Variants in IGHMBP2 observed in about 807,000 individuals in gnomAD.
IGHMBP2 encodes immunoglobulin mu DNA binding protein 2.
Under a neutral mutation model 96.0 loss-of-function variants are expected in IGHMBP2, and 81 were observed. The ratio of observed to expected loss-of-function variants is 0.84; its 90% CI spans 0.71 to 1.01. IGHMBP2 has a LOEUF of 1.01. Among genes scored for constraint, IGHMBP2 ranks in the 50% least tolerant of loss-of-function variants. The pLI, the probability that IGHMBP2 is intolerant of heterozygous loss-of-function variation, is 0.00. For synonymous variants in IGHMBP2, 557 were observed against 548.9 expected, an observed-to-expected ratio of 1.01 and a Z score of -0.21; for missense variants, 1,227 against 1,306.3, an observed-to-expected ratio of 0.94 and a Z score of 0.94.
chr11:68,928,097 C>T (rs1859141092), intron 7 of IGHMBP2, among the ~76,000 whole-genome samples: 1 of 152,244 alleles, frequency 6.6e-6, no homozygotes. Context: ...GGAGAGAATT[C>T]TCAGAGCTTG....
chr11:68,936,643 G>C lies in IGHMBP2; in HGVS notation c.2163G>C (p.Glu721Asp). The C allele has an allele frequency of 6.2e-7, 1 of 1,613,926 alleles. No homozygotes were observed. Among genetic ancestry groups the C allele is most frequent in the Non-Finnish European group, 8.5e-7 (1 of 1,180,002 alleles). ...SLNGGSPEGV[E>D]SQDGVDHFRA... ...ACGGAGGCAGCCCAGAGGGAGTGGA[G>C]AGCCAAGATGGCGTGGACCACTTCC... The change falls in exon 13 of 15, where the codon GAG (glutamate) becomes GAC (aspartate). Residue 721 changes from glutamate (E) to aspartate (D), a missense_variant. Physicochemically the swap from Glu to Asp is conservative, Grantham distance 45 (BLOSUM62 2). Transcript: ENST00000255078.
At chr11:68,912,289 G>T (rs1174425783) in intron 5 of IGHMBP2, among the ~76,000 whole-genome samples, 2 of 151,916 alleles carry the variant, frequency 1.3e-5, no homozygotes, top group East Asian at 3.9e-4. Flanking sequence ...GCGCCACCAT[G>T]CCTGGCTAAT....
chr11:68,919,606 A>G (rs1314945090), intron 7 of IGHMBP2, among the ~76,000 whole-genome samples: 3 of 152,162 alleles, frequency 2.0e-5, no homozygotes, highest in Non-Finnish European at 4.4e-5. Context: ...AGTGTTCTGT[A>G]AGTAGTCAGA....
At chr11:68,910,134 T>G (rs950866114) in intron 4 of IGHMBP2, among the ~76,000 whole-genome samples, 16 of 152,244 alleles carry the variant, frequency 1.1e-4, no homozygotes, top group African/African-American at 3.6e-4. Context: ...CAAGCCAGTG[T>G]TGTGTTAGCT....
chr11:68,928,743 T>C (rs1279517970), intron 7 of IGHMBP2, among the ~76,000 whole-genome samples: 1 of 150,020 alleles, frequency 6.7e-6, no homozygotes, highest in Non-Finnish European at 1.5e-5. Flanking sequence ...GAAAAGCTGC[T>C]GCAGTGGGTT....
At chr11:68,904,691 A>G (rs1480813518) in intron 1 of IGHMBP2, among the ~76,000 whole-genome samples, 2 of 151,748 alleles carry the variant, frequency 1.3e-5, no homozygotes, top group Non-Finnish European at 2.9e-5. Context: ...GAATGGGACT[A>G]TTTACTTGTC....
chr11:68,914,480 C>A (rs1332340425), intron 5 of IGHMBP2, among the ~76,000 whole-genome samples: 1 of 152,172 alleles, frequency 6.6e-6, no homozygotes, highest in Non-Finnish European at 1.5e-5. Flanking sequence ...AGGCTGTGGG[C>A]TCTGACCTCA....
At chr11:68,911,782 T>C (rs1228961934) in intron 5 of IGHMBP2, among the ~76,000 whole-genome samples, 179 bp downstream of exon 5, 2 of 152,230 alleles carry the variant, frequency 1.3e-5, no homozygotes, top group Admixed American at 6.5e-5. Flanking sequence ...CCGTGAGTCT[T>C]GGGGAGCACG....
At chr11:68,904,717 T>A (rs928177972) in intron 1 of IGHMBP2, among the ~76,000 whole-genome samples, 2 of 152,110 alleles carry the variant, frequency 1.3e-5, no homozygotes, top group Admixed American at 6.6e-5. Flanking sequence ...CAATCAGAGC[T>A]AACACTTACG....
In IGHMBP2 at chr11:68,904,803, C is replaced by CTTTTCTTTT. The variant is rs892709461; in HGVS notation, c.86+769_86+770insCTTTTTTTT. On this transcript the variant is annotated intron_variant, in intron 1 of 14. Transcript: ENST00000255078. ...GTGTAAGTTTCTTTTTTTTCTTTTT[C>CTTTTCTTTT]TTTTTTTTTTTTTTAGACAGAGTCT... 6.6e-5 allele frequency among the ~76,000 whole-genome samples: 8 copies of CTTTTCTTTT among 120,996 alleles called. 2 individuals carry two copies. The highest frequency in any genetic ancestry group is 1.8e-4 in the Admixed American group (2 of 11,070). The allele number at this position is 120,996 out of a possible 152,430, so 79.4% of individuals were successfully genotyped here.
At chr11:68,906,798 G>A (rs1489540835) in intron 2 of IGHMBP2, among the ~76,000 whole-genome samples, 1 of 151,776 alleles carries the variant, frequency 6.6e-6, no homozygotes, top group African/African-American at 2.4e-5. Flanking sequence ...ATGCGCCACC[G>A]TGCCTGGCTA....
intron 4 of IGHMBP2, among the ~76,000 whole-genome samples, chr11:68,909,779 C>T (rs1322574764): frequency 2.6e-5 from 4 of 152,058 alleles, no homozygotes; most frequent in African/African-American, 9.7e-5. Context: ...AGGTGCCCGC[C>T]ACCATGCCCG....
chr11:68,921,643 A>G (rs903248470), intron 7 of IGHMBP2, among the ~76,000 whole-genome samples: 4 of 152,204 alleles, frequency 2.6e-5, no homozygotes, highest in Admixed American at 2.0e-4. Flanking sequence ...TTAATGGTGA[A>G]TTATCTTTAA....
At chr11:68,922,612 T>G (rs990474442) in intron 7 of IGHMBP2, among the ~76,000 whole-genome samples, 5 of 152,180 alleles carry the variant, frequency 3.3e-5, no homozygotes, top group Non-Finnish European at 5.9e-5. Context: ...GCCAGGCTGC[T>G]CTCGAACTCC....
chr11:68,912,455 A>G lies in IGHMBP2; in HGVS notation c.711+852A>G, dbSNP rs376265545. Among the ~76,000 whole-genome samples, 96 of 152,084 alleles carry G rather than the reference A, an allele frequency of 6.3e-4. No homozygotes were observed. In the South Asian group the frequency reaches 6.9e-3, roughly 11 times the overall value. ...CAGTTACATTTTTAATGGCTGAAAA[A>G]GGATCTTTTATCATCATCTGCATCA... On this transcript the variant is annotated intron_variant, in intron 5 of 14. Transcript: ENST00000255078.
chr11:68,921,218 C>A (rs527766381), intron 7 of IGHMBP2, among the ~76,000 whole-genome samples: 7 of 151,238 alleles, frequency 4.6e-5, no homozygotes, highest in African/African-American at 1.7e-4. Context: ...CACTATGCCC[C>A]ATGATTGAAG....
intron 6 of IGHMBP2, 118 bp downstream of exon 6, chr11:68,915,141 T>C: frequency 1.6e-6 from 1 of 641,262 alleles, no homozygotes; most frequent in Non-Finnish European, 2.6e-6. Context: ...TCGATTCCTT[T>C]AATAATTTTA....
rs759035035 is a variant in IGHMBP2 at position 68,933,359 on chromosome 11, G to A, written c.1296G>A (p.Ala432=). The A allele has an allele frequency of 8.7e-6, 14 of 1,613,090 alleles. No individual in the cohort carries two copies. The South Asian group carries it at 1.1e-4, about 13-fold the overall frequency. Residue 432 remains alanine, a synonymous_variant, in exon 9 of 15, where the codon GCG becomes GCA. Transcript: ENST00000255078. ...LMERLAEEYG[A]RVVRTLTVQY... Reference sequence around the variant, plus strand: ...AACGCCTGGCTGAGGAGTACGGCGCGAGGGTGGTGCGGACACTGACGGTGC... The same window carrying A: ...AACGCCTGGCTGAGGAGTACGGCGCAAGGGTGGTGCGGACACTGACGGTGC...
At position 68,939,723 on chromosome 11, in the gene IGHMBP2, G is replaced by A. The variant is rs752244392; in HGVS notation, c.2974G>A (p.Gly992Arg). The change falls in exon 15 of 15, where the codon GGG becomes AGG. Residue 992 changes from glycine to arginine, a missense_variant. Physicochemically the swap from Gly to Arg is moderately radical, Grantham distance 125. Coordinates refer to ENST00000255078, the MANE Select transcript of IGHMBP2 (RefSeq NM_002180.3). ...GAGGACCAGCCGGAGGAAGGAGAGG[G>A]GGACGTGACCGGCCGCATCCTTGCA... ...NQRTSRRKER[G>R]T 5 of 1,609,598 alleles carry A rather than the reference G, an allele frequency of 3.1e-6. No individual in the cohort carries two copies. In the East Asian group the frequency reaches 6.7e-5, roughly 22 times the overall value.
Sources: allele counts gnomAD v4.1 joint callset (sites outside exome capture counted in the v4.1 genomes callset), GRCh38; gene constraint gnomAD v4.1.1; transcripts MANE v1.5; gene names NCBI Gene and HGNC (gene_info 2026-07-23, HGNC 2026-07-21).